TRDN: variants seen among roughly 807,000 people sequenced by gnomAD.
The protein encoded by TRDN is triadin in skeletal muscle.
In TRDN, 161 loss-of-function variants were observed where a neutral mutation model predicts 149.7. That is an observed-to-expected ratio of 1.08 (90% confidence interval 0.95 to 1.23). The LOEUF (loss-of-function observed/expected upper bound fraction) is 1.23, where lower values mean the gene tolerates loss of function less well. Ranked by LOEUF, TRDN falls within the 50% of genes most tolerant of loss-of-function variation. The probability of loss-of-function intolerance (pLI) is 0.00; values close to 1 mark genes in which losing one functional copy is unlikely to be tolerated. For synonymous variants in TRDN, 294 were observed against 250.5 expected (o/e 1.17, Z -1.64); for missense variants, 896 against 823.5 (o/e 1.09, Z -1.08).
At chr6:123,357,683 C>T (rs186621006) in intron 20 of TRDN, among the ~76,000 whole-genome samples, 71 of 152,198 alleles carry the variant, frequency 4.7e-4, no homozygotes, top group African/African-American at 1.7e-3. Flanking sequence ...ATTCATAATT[C>T]TTTTATTCAG....
chr6:123,374,486 T>C (rs906928414), intron 19 of TRDN, among the ~76,000 whole-genome samples: 5 of 152,176 alleles, frequency 3.3e-5, no homozygotes, highest in Admixed American at 3.3e-4. Context: ...CTAAAAATTT[T>C]CATGGAAATA....
rs767053290 is a variant in TRDN at position 123,217,790 on chromosome 6, C to G, written c.*811G>C. ...ATTTAGTGATTGATCTAAAATTTCA[C>G]CCAGGTGACATTTTTATTAAGACAC... On this transcript the variant is annotated 3_prime_UTR_variant, in exon 41 of 41. Coordinates refer to ENST00000334268, the MANE Select transcript of TRDN (RefSeq NM_006073.4). 6.6e-6 allele frequency: 1 copy of G among 151,954 alleles called. No homozygotes were observed. 9.4% of individuals were successfully genotyped at this position (151,954 alleles called of 1,614,324 possible).
chr6:123,313,906 C>A (rs1778924247), intron 24 of TRDN, among the ~76,000 whole-genome samples: 1 of 152,010 alleles, frequency 6.6e-6, no homozygotes, highest in Non-Finnish European at 1.5e-5. Flanking sequence ...TGGAAGACAA[C>A]AGAGGCAATA....
chr6:123,611,524 A>G (rs896205855), intron 1 of TRDN, among the ~76,000 whole-genome samples: 10 of 152,190 alleles, frequency 6.6e-5, no homozygotes, highest in African/African-American at 9.6e-5. Context: ...TTTGATCAAC[A>G]TAAGATAAAA....
chr6:123,592,002 A>G (rs1426889453), intron 1 of TRDN, among the ~76,000 whole-genome samples: 1 of 152,200 alleles, frequency 6.6e-6, no homozygotes, highest in Non-Finnish European at 1.5e-5. Flanking sequence ...ACTGAAAAAG[A>G]AGAGTTAAAA....
intron 38 of TRDN, among the ~76,000 whole-genome samples, chr6:123,230,677 T>C (rs1437460985): frequency 1.3e-5 from 2 of 151,986 alleles, no homozygotes; most frequent in Non-Finnish European, 2.9e-5. Flanking sequence ...TCATAGATGG[T>C]TGGAATCTCA....
At chr6:123,354,119 T>C (rs1223318820) in intron 20 of TRDN, among the ~76,000 whole-genome samples, 1 of 151,774 alleles carries the variant, frequency 6.6e-6, no homozygotes, top group Non-Finnish European at 1.5e-5. Context: ...AACTGTGCAG[T>C]TTAGCCTGAA....
Position 123,351,681 on chromosome 6 carries a change from T to C in TRDN, c.1369+858A>G, listed in dbSNP as rs145650765. 150 of 942,220 alleles carry C rather than the reference T, an allele frequency of 1.6e-4. No homozygotes were observed. In the African/African-American group the frequency reaches 2.1e-3, roughly 13 times the overall value. The allele number at this position is 942,220 out of a possible 1,614,324, so 58.4% of individuals were successfully genotyped here. A position where few individuals can be genotyped will look rare whatever the true frequency, so the allele number is the denominator to read the frequency against. On this transcript the variant is annotated intron_variant, in intron 21 of 40. Coordinates refer to ENST00000334268, the MANE Select transcript of TRDN (RefSeq NM_006073.4). ...TTCTTGATATATTTATGTCAAAAGA[T>C]CTTAACTTCTGATATTAGGATTTCA... is the stretch of plus-strand genomic sequence containing the variant.
intron 2 of TRDN, among the ~76,000 whole-genome samples, chr6:123,569,308 A>G (rs1051741795): frequency 6.6e-6 from 1 of 152,140 alleles, no homozygotes; most frequent in Non-Finnish European, 1.5e-5. Context: ...CAGTATCAGC[A>G]TTTTGGTCTC....
At chr6:123,536,687 CAATAAATAAATAAATAAATAAATAAATA>C (rs143950900) in intron 4 of TRDN, among the ~76,000 whole-genome samples, 2 of 129,854 alleles carry the variant, frequency 1.5e-5, no homozygotes, top group Non-Finnish European at 3.2e-5. Flanking sequence ...TCCATCTCTA[CAATAAATAAATAAATAAATAAATAAATA>C]AATAAATAAA....
At chr6:123,322,469 G>A (rs938751173) in intron 23 of TRDN, among the ~76,000 whole-genome samples, 6 of 151,946 alleles carry the variant, frequency 3.9e-5, no homozygotes, top group African/African-American at 1.4e-4. Context: ...TAGACTAAAT[G>A]ATTTAACAAA....
At chr6:123,287,362 G>A (rs1349335731) in intron 24 of TRDN, among the ~76,000 whole-genome samples, 1 of 152,128 alleles carries the variant, frequency 6.6e-6, no homozygotes, top group Admixed American at 6.6e-5. Flanking sequence ...ATTACTGGGG[G>A]AGAATTCTGT....
At chr6:123,375,873 T>C (rs780001807) in intron 18 of TRDN, among the ~76,000 whole-genome samples, 2 of 152,146 alleles carry the variant, frequency 1.3e-5, no homozygotes, top group South Asian at 4.1e-4. Flanking sequence ...CAACACAGAA[T>C]ATTCATTTAC....
chr6:123,634,736 T>C (rs1435327013), intron 1 of TRDN, among the ~76,000 whole-genome samples: 1 of 149,326 alleles, frequency 6.7e-6, no homozygotes, highest in Non-Finnish European at 1.5e-5. Flanking sequence ...ATTTGAGAAA[T>C]ATTATTAATA....
intron 12 of TRDN, among the ~76,000 whole-genome samples, chr6:123,407,761 T>G (rs1773256984): frequency 6.6e-6 from 1 of 152,196 alleles, no homozygotes; most frequent in African/African-American, 2.4e-5. Context: ...CAATATTTTT[T>G]TTTGTAAAAA....
At chr6:123,278,047 G>T (rs977938868) in intron 26 of TRDN, among the ~76,000 whole-genome samples, 4 of 152,118 alleles carry the variant, frequency 2.6e-5, no homozygotes, top group African/African-American at 9.7e-5. Context: ...ACAATAATCA[G>T]AGAAAATCTT....
chr6:123,361,105 G>A (rs1420684427), intron 20 of TRDN, among the ~76,000 whole-genome samples: 2 of 152,100 alleles, frequency 1.3e-5, no homozygotes, highest in African/African-American at 4.8e-5. Flanking sequence ...CCCAGTAATA[G>A]GATTGCCGTG....
intron 7 of TRDN, among the ~76,000 whole-genome samples, chr6:123,508,027 CT>C (rs1779010877): frequency 6.6e-6 from 1 of 151,434 alleles, no homozygotes; most frequent in Non-Finnish European, 1.5e-5. Flanking sequence ...CTGCCTCTTC[CT>C]CTATGGAAGC....
rs1467627075 is a variant in TRDN at position 123,417,663 on chromosome 6, T to C, written c.1051+20400A>G. Among the ~76,000 whole-genome samples, 4 of 152,154 alleles carry C rather than the reference T, an allele frequency of 2.6e-5. No individual in the cohort carries two copies. In the East Asian group the frequency reaches 7.7e-4, roughly 29 times the overall value. On this transcript the variant is annotated intron_variant, in intron 12 of 40. Coordinates refer to ENST00000334268, the MANE Select transcript of TRDN (RefSeq NM_006073.4). ...CACAAGCTGGCATTTAAATGCACAA[T>C]GTCAAAGGCAGAGCACATGCATTCA...
Sources: allele counts gnomAD v4.1 joint callset (sites outside exome capture counted in the v4.1 genomes callset), GRCh38; gene constraint gnomAD v4.1.1; transcripts MANE v1.5; gene names NCBI Gene and HGNC (gene_info 2026-07-23, HGNC 2026-07-21).